GVQW3: variants seen among roughly 807,000 people sequenced by gnomAD.
The protein encoded by GVQW3 is GVQW motif containing 3.
GVQW3 carries 7 observed loss-of-function variants against 12.5 expected under a neutral mutation model. The observed-to-expected ratio is 0.56, with a 90% CI of 0.32 to 1.05. The LOEUF (loss-of-function observed/expected upper bound fraction) is 1.05. Among genes scored for constraint, GVQW3 ranks in the 50% least tolerant of loss-of-function variants. The pLI is 0.04. For synonymous variants in GVQW3, 71 were observed against 67.2 expected, an observed-to-expected ratio of 1.06 and a Z score of -0.28; for missense variants, 188 against 190.8, an observed-to-expected ratio of 0.99 and a Z score of 0.09.
intron 1 of GVQW3, chr11:76,382,654 C>T (rs1946788864): frequency 7.8e-6 from 4 of 514,924 alleles, no homozygotes; most frequent in South Asian, 6.5e-5. Flanking sequence ...TGGCTGTTCC[C>T]TTCTGGTATT....
intron 1 of GVQW3, among the ~76,000 whole-genome samples, chr11:76,391,233 C>T (rs554661797): frequency 6.6e-6 from 1 of 152,346 alleles, no homozygotes; most frequent in South Asian, 2.1e-4. Context: ...TGCCTAAACA[C>T]GGTTGATAAA....
intron 1 of GVQW3, among the ~76,000 whole-genome samples, chr11:76,393,549 C>G (rs925794240): frequency 3.9e-5 from 6 of 152,092 alleles, no homozygotes; most frequent in African/African-American, 1.5e-4. Context: ...CAATCATGCC[C>G]CACTTTGTGC....
intron 1 of GVQW3, among the ~76,000 whole-genome samples, chr11:76,385,506 C>T (rs1411234652): frequency 6.6e-6 from 1 of 152,220 alleles, no homozygotes; most frequent in African/African-American, 2.4e-5. Context: ...TCACAGTTTG[C>T]TCTTACTCCT....
chr11:76,382,124 T>C lies in GVQW3; in HGVS notation c.296T>C (p.Leu99Ser). ...TVRMMAEELNLDKETVRLILK... is the reference protein window; with the variant it reads ...TVRMMAEELNSDKETVRLILK... Reference sequence around the variant, plus strand: ...AGGATGATGGCTGAAGAGTTAAATTTAGACAAAGAAACTGTTAGGCTCATT... The same window carrying C: ...AGGATGATGGCTGAAGAGTTAAATTCAGACAAAGAAACTGTTAGGCTCATT... The change falls in exon 1 of 2, where the codon TTA becomes TCA. Residue 99 changes from leucine (L) to serine (S), a missense_variant. By Grantham distance (145) the Leu-to-Ser change is moderately radical (BLOSUM62 -2). Coordinates refer to ENST00000529331, the MANE Select transcript of GVQW3 (RefSeq NM_001347885.2). 1 of 1,536,474 alleles carries C rather than the reference T, an allele frequency of 6.5e-7. No homozygotes were observed. Among genetic ancestry groups the C allele is most frequent in the Non-Finnish European group, 8.7e-7 (1 of 1,146,984 alleles).
chr11:76,413,194 G>C (rs570148109), exon 2 of GVQW3: 47 of 152,242 alleles, frequency 3.1e-4, no homozygotes, highest in African/African-American at 1.1e-3. Context: ...TTTTATTACT[G>C]ATACAACTAC....
Position 76,407,817 on chromosome 11 carries a change from G to A in GVQW3, c.*4059G>A, listed in dbSNP as rs2134569683. 6.6e-6 allele frequency: 1 copy of A among 152,170 alleles called. No individual in the cohort carries two copies. The highest frequency in any genetic ancestry group is 2.1e-4 in the South Asian group (1 of 4,832). 9.4% of individuals were successfully genotyped at this position (152,170 alleles called of 1,614,324 possible). Reference sequence around the variant, plus strand: ...CATACTCATTAAGTGAAATAATGCAGCTATTTAAGATGATGTTTTTAAAGA... The same window carrying A: ...CATACTCATTAAGTGAAATAATGCAACTATTTAAGATGATGTTTTTAAAGA... On this transcript the variant is annotated 3_prime_UTR_variant, in exon 2 of 2. Transcript: ENST00000529331.
intron 1 of GVQW3, among the ~76,000 whole-genome samples, chr11:76,385,136 G>A (rs1036822399): frequency 4.6e-5 from 7 of 152,164 alleles, no homozygotes; most frequent in African/African-American, 1.4e-4. Flanking sequence ...GTCCAGACAT[G>A]GTTTAGACAC....
downstream of GVQW3, among the ~76,000 whole-genome samples, chr11:76,409,914 A>G (rs745375240): frequency 1.3e-5 from 2 of 152,166 alleles, no homozygotes; most frequent in Non-Finnish European, 2.9e-5. Flanking sequence ...GCTCATTCTT[A>G]TAAGTCTCAC....
Position 76,381,846 on chromosome 11 carries a change from A to G in GVQW3, c.18A>G (p.Leu6=), listed in dbSNP as rs773327634. 40 of 1,533,252 alleles carry G rather than the reference A, an allele frequency of 2.6e-5. No individual in the cohort carries two copies. Among genetic ancestry groups the G allele is most frequent in the Non-Finnish European group, 3.0e-5 (34 of 1,145,490 alleles). The allele number at this position is 1,533,252 out of a possible 1,614,324, so 95.0% of individuals were successfully genotyped here. ...GTGCCAGAATGAGTGACCGCTATTTAGAACAAAGGATTAGTATCAAATTTT... is the reference window on the plus strand; with the variant it reads ...GTGCCAGAATGAGTGACCGCTATTTGGAACAAAGGATTAGTATCAAATTTT... MSDRY[L]EQRISIKFCV... The change falls in exon 1 of 2, where the codon TTA becomes TTG. Residue 6 remains leucine, a synonymous_variant. Coordinates refer to ENST00000529331, the MANE Select transcript of GVQW3 (RefSeq NM_001347885.2).
At chr11:76,403,279 G>T (rs12293837) in intron 1 of GVQW3, among the ~76,000 whole-genome samples, 15,943 of 152,092 alleles carry the variant, frequency 0.1, 1,100 homozygotes, top group African/African-American at 0.19. Context: ...TATTAGTCAA[G>T]GTTCTCCAGA....
intron 1 of GVQW3, among the ~76,000 whole-genome samples, chr11:76,387,288 T>C (rs1396774578): frequency 6.6e-6 from 1 of 151,764 alleles, no homozygotes; most frequent in African/African-American, 2.4e-5. Context: ...ATATAAAAAT[T>C]AGCCGGGCGT....
intron 1 of GVQW3, among the ~76,000 whole-genome samples, chr11:76,403,108 C>T (rs1408410215): frequency 6.6e-5 from 10 of 151,924 alleles, no homozygotes; most frequent in African/African-American, 2.4e-4. Context: ...CCACCACACC[C>T]GGCTAATTTT....
intron 1 of GVQW3, among the ~76,000 whole-genome samples, chr11:76,384,313 C>T (rs1229566899): frequency 2.0e-5 from 3 of 152,162 alleles, no homozygotes; most frequent in Non-Finnish European, 4.4e-5. Context: ...TCCTCATTAA[C>T]ACCTGTTTTT....
Position 76,406,157 on chromosome 11 carries a change from G to A in GVQW3, c.*2399G>A, listed in dbSNP as rs1250665906. On this transcript the variant is annotated 3_prime_UTR_variant, in exon 2 of 2. Transcript: ENST00000529331. Reference sequence around the variant, plus strand: ...CCAGCTAATTTTTGCATTTTTTGTAGAGTCAGGGTTTCACCCTGTTGCCCA... The same window carrying A: ...CCAGCTAATTTTTGCATTTTTTGTAAAGTCAGGGTTTCACCCTGTTGCCCA... 1 of 152,188 alleles carries A rather than the reference G, an allele frequency of 6.6e-6. No individual in the cohort carries two copies. The allele number at this position is 152,188 out of a possible 1,614,324, so 9.4% of individuals were successfully genotyped here.
At chr11:76,388,185 T>G (rs964352664) in intron 1 of GVQW3, among the ~76,000 whole-genome samples, 1 of 152,206 alleles carries the variant, frequency 6.6e-6, no homozygotes, top group African/African-American at 2.4e-5. Flanking sequence ...CCAAAAATGA[T>G]TTGACCATGG....
chr11:76,399,128 T>G (rs546061680), intron 1 of GVQW3, among the ~76,000 whole-genome samples: 4 of 150,956 alleles, frequency 2.6e-5, no homozygotes, highest in African/African-American at 9.8e-5. Context: ...TTATTTTATT[T>G]CATTTTATTT....
chr11:76,391,152 C>T (rs1461347951), intron 1 of GVQW3, among the ~76,000 whole-genome samples: 2 of 152,222 alleles, frequency 1.3e-5, no homozygotes, highest in Non-Finnish European at 2.9e-5. Flanking sequence ...AAACCTGTTT[C>T]TGCTTAAGAA....
At chr11:76,400,269 C>T (rs973238697) in intron 1 of GVQW3, among the ~76,000 whole-genome samples, 3 of 151,672 alleles carry the variant, frequency 2.0e-5, no homozygotes, top group Admixed American at 1.3e-4. Context: ...CCTGCCACCA[C>T]ACCCAGCTAA....
downstream of GVQW3, chr11:76,408,327 G>A (rs981804107): frequency 3.9e-5 from 6 of 152,226 alleles, no homozygotes; most frequent in East Asian, 5.8e-4. Flanking sequence ...ACATTTGTTC[G>A]GGCCTTGAAG....
Sources: allele counts gnomAD v4.1 joint callset (sites outside exome capture counted in the v4.1 genomes callset), GRCh38; gene constraint gnomAD v4.1.1; transcripts MANE v1.5; gene names NCBI Gene and HGNC (gene_info 2026-07-23, HGNC 2026-07-21).